SLIT3: variants seen among roughly 807,000 people sequenced by gnomAD.
SLIT3 encodes the protein slit guidance ligand 3, also known as slit homolog 3 protein.
In SLIT3, 68 loss-of-function variants were observed where a neutral mutation model predicts 184.0. The ratio of observed to expected loss-of-function variants is 0.37; its 90% confidence interval spans 0.30 to 0.45. The LOEUF (loss-of-function observed/expected upper bound fraction) is 0.45. Ranked by LOEUF, SLIT3 falls within the 20% of genes least tolerant of loss-of-function variation. SLIT3 has a pLI of 1.00. For synonymous variants in SLIT3, 831 were observed against 828.6 expected (o/e 1.00, Z -0.05); for missense variants, 1,707 against 2,026.0 (o/e 0.84, Z 3.02).
At chr5:169,262,793 C>T (rs1356398808) in intron 1 of SLIT3, among the ~76,000 whole-genome samples, 5 of 152,198 alleles carry the variant, frequency 3.3e-5, no homozygotes, top group Admixed American at 6.5e-5. Flanking sequence ...AGGAACTGTG[C>T]TAGGCACTTC....
At chr5:169,123,371 C>T (rs545247619) in intron 4 of SLIT3, among the ~76,000 whole-genome samples, 9 of 151,742 alleles carry the variant, frequency 5.9e-5, no homozygotes, top group Middle Eastern at 3.4e-3. Flanking sequence ...TAACTCATTT[C>T]AAGAAGGAAT....
intron 3 of SLIT3, among the ~76,000 whole-genome samples, chr5:169,233,607 C>A (rs910150842): frequency 3.3e-5 from 5 of 152,150 alleles, no homozygotes; most frequent in Admixed American, 3.3e-4. Context: ...ATGTAACAAA[C>A]CTGCACATAC....
At chr5:168,954,753 C>T (rs760955535) in intron 4 of SLIT3, among the ~76,000 whole-genome samples, 3 of 152,140 alleles carry the variant, frequency 2.0e-5, no homozygotes, top group Non-Finnish European at 4.4e-5. Context: ...AAGTGGCTGG[C>T]AGGAAAGCAA....
intron 4 of SLIT3, among the ~76,000 whole-genome samples, chr5:169,067,527 G>A (rs1199659643): frequency 2.0e-5 from 3 of 152,254 alleles, no homozygotes; most frequent in Non-Finnish European, 4.4e-5. Flanking sequence ...AGGCTGAGAA[G>A]TGGATGCTGC....
At chr5:169,068,879 T>C (rs1345644175) in intron 4 of SLIT3, among the ~76,000 whole-genome samples, 1 of 152,116 alleles carries the variant, frequency 6.6e-6, no homozygotes, top group Admixed American at 6.5e-5. Context: ...TATGATCCCA[T>C]AGGAAAAGTT....
intron 4 of SLIT3, among the ~76,000 whole-genome samples, chr5:169,031,030 C>G (rs765757232): frequency 6.6e-6 from 1 of 152,150 alleles, no homozygotes; most frequent in Non-Finnish European, 1.5e-5. Flanking sequence ...TCCTGAATAG[C>G]AACTTAGAAG....
At chr5:169,077,761 T>A (rs1758802922) in intron 4 of SLIT3, among the ~76,000 whole-genome samples, 1 of 151,196 alleles carries the variant, frequency 6.6e-6, no homozygotes, top group Admixed American at 6.6e-5. Context: ...CACGGAGAGA[T>A]GGGTTATCAC....
chr5:168,686,853 A>G, intron 30 of SLIT3, 126 bp downstream of exon 30: 1 of 1,079,634 alleles, frequency 9.3e-7, no homozygotes, highest in Non-Finnish European at 1.4e-6. Flanking sequence ...GAATAAAGGC[A>G]TCACCCAGAA....
intron 4 of SLIT3, among the ~76,000 whole-genome samples, chr5:168,978,346 A>T (rs532759631): frequency 1.4e-4 from 21 of 152,332 alleles, no homozygotes; most frequent in African/African-American, 3.8e-4. Context: ...TCTACGCTGC[A>T]CTGGTATGAA....
chr5:169,196,502 C>G (rs956767240), intron 3 of SLIT3, among the ~76,000 whole-genome samples: 4 of 152,302 alleles, frequency 2.6e-5, no homozygotes, highest in Admixed American at 2.0e-4. Context: ...TTGAGTTCTA[C>G]ATGCATGTCA....
intron 10 of SLIT3, among the ~76,000 whole-genome samples, chr5:168,793,862 G>A (rs536433380): frequency 6.2e-4 from 94 of 152,206 alleles, no homozygotes; most frequent in Non-Finnish European, 1.1e-3. Context: ...TTAATGGCCC[G>A]AGGTTTTAAA....
rs143329266 is a variant in SLIT3 at position 168,763,778 on chromosome 5, C to T, written c.1460-1089G>A. ...ATTGATGGGGCCAGGTTTTCTTCAT[C>T]CTTTCACACTCAACATTTCACTAGC... On this transcript the variant is annotated intron_variant, in intron 14 of 35. Coordinates refer to ENST00000519560, the MANE Select transcript of SLIT3 (RefSeq NM_003062.4). 2.7e-3 allele frequency among the ~76,000 whole-genome samples: 404 copies of T among 152,284 alleles called. 4 individuals are homozygous for T. Among genetic ancestry groups the T allele is most frequent in the African/African-American group, 9.3e-3 (387 of 41,556 alleles).
intron 1 of SLIT3, among the ~76,000 whole-genome samples, chr5:169,268,267 G>C (rs1766468540): frequency 6.6e-6 from 1 of 152,190 alleles, no homozygotes; most frequent in Non-Finnish European, 1.5e-5. Context: ...CCATGCACCA[G>C]AGAGTTAGCT....
At chr5:169,262,514 G>A (rs372877365) in intron 1 of SLIT3, among the ~76,000 whole-genome samples, 1 of 152,242 alleles carries the variant, frequency 6.6e-6, no homozygotes, top group African/African-American at 2.4e-5. Context: ...GATCACAGAG[G>A]CAGGTGGTGT....
chr5:169,288,250 A>G (rs1767224960), intron 1 of SLIT3, among the ~76,000 whole-genome samples: 1 of 152,148 alleles, frequency 6.6e-6, no homozygotes, highest in South Asian at 2.1e-4. Flanking sequence ...CAGAGTTAGA[A>G]CTCTAATAAA....
intron 4 of SLIT3, among the ~76,000 whole-genome samples, chr5:168,968,803 TCAGA>T (rs1376468991): frequency 6.6e-6 from 1 of 152,232 alleles, no homozygotes. Context: ...AGGCTTTGAC[TCAGA>T]CAGACTTAGG....
chr5:168,942,839 T>C (rs193229356), intron 4 of SLIT3, among the ~76,000 whole-genome samples: 1 of 151,708 alleles, frequency 6.6e-6, no homozygotes, highest in East Asian at 1.9e-4. Flanking sequence ...TGACTGCTGA[T>C]GGCTGCTTGG....
rs371243529 is a variant in SLIT3 at position 168,825,530 on chromosome 5, C to T, written c.558-2199G>A. ...AGGCATATGGGATGGTAAAGAAGAACGAACAGACAAAATTTACATTGCCTG... is the reference window on the plus strand; with the variant it reads ...AGGCATATGGGATGGTAAAGAAGAATGAACAGACAAAATTTACATTGCCTG... On this transcript the variant is annotated intron_variant, in intron 6 of 35. Transcript: ENST00000519560. Among the ~76,000 whole-genome samples, 22 of 151,424 alleles carry T rather than the reference C, an allele frequency of 1.5e-4. No individual in the cohort carries two copies. In the East Asian group the frequency reaches 1.6e-3, roughly 11 times the overall value.
intron 32 of SLIT3, among the ~76,000 whole-genome samples, chr5:168,681,060 G>A (rs1761575067): frequency 6.6e-6 from 1 of 152,180 alleles, no homozygotes; most frequent in South Asian, 2.1e-4. Flanking sequence ...GAGGTAGGAG[G>A]ATCACTTGAG....
Sources: allele counts gnomAD v4.1 joint callset (sites outside exome capture counted in the v4.1 genomes callset), GRCh38; gene constraint gnomAD v4.1.1; transcripts MANE v1.5; gene names NCBI Gene and HGNC (gene_info 2026-07-23, HGNC 2026-07-21).